ERBB4: variants seen among roughly 807,000 people sequenced by gnomAD.
ERBB4 encodes receptor tyrosine-protein kinase erbB-4.
In ERBB4, 42 loss-of-function variants were observed where a neutral mutation model predicts 158.0. The observed-to-expected ratio is 0.27, with a 90% CI of 0.21 to 0.34. The LOEUF is 0.34. Ranked by LOEUF, ERBB4 falls within the 10% of genes least tolerant of loss-of-function variation. ERBB4 has a pLI of 1.00. For missense variants in ERBB4, 1,333 were observed against 1,624.1 expected (o/e 0.82, Z 3.08); for synonymous variants, 583 against 558.7 (o/e 1.04, Z -0.61).
At chr2:211,645,850 A>G (rs1182794708) in intron 16 of ERBB4, among the ~76,000 whole-genome samples, 3 of 151,766 alleles carry the variant, frequency 2.0e-5, no homozygotes, top group African/African-American at 7.2e-5. Context: ...CAATTCACAT[A>G]TATGAATAAG....
intron 1 of ERBB4, among the ~76,000 whole-genome samples, chr2:212,180,151 T>TA (rs1459218413): frequency 6.6e-6 from 1 of 151,728 alleles, no homozygotes; most frequent in Non-Finnish European, 1.5e-5. Flanking sequence ...GGTACCAAAA[T>TA]GTAACATCTG....
intron 1 of ERBB4, among the ~76,000 whole-genome samples, chr2:212,175,961 GTTC>G (rs2081651118): frequency 6.6e-6 from 1 of 151,954 alleles, no homozygotes; most frequent in Admixed American, 6.6e-5. Flanking sequence ...CTCATCACCA[GTTC>G]TTATCATTTT....
chr2:212,322,516 T>C lies in ERBB4; in HGVS notation c.83-197613A>G, dbSNP rs1371361423. On this transcript the variant is annotated intron_variant, in intron 1 of 27. Transcript: ENST00000342788. ...ATCTAATCTTTATTTAAAAGATATT[T>C]GAATGCGTATACATTTTAGAACTCC... Among the ~76,000 whole-genome samples, 3 of 150,914 alleles carry C rather than the reference T, an allele frequency of 2.0e-5. No individual in the cohort carries two copies. The East Asian group carries it at 5.9e-4, about 29-fold the overall frequency.
At position 211,657,846 on chromosome 2, in the gene ERBB4, A is replaced by G. The variant is rs367577152; in HGVS notation, c.1872-18T>C. 13 of 1,612,158 alleles carry G rather than the reference A, an allele frequency of 8.1e-6. No individual in the cohort carries two copies. The highest frequency in any genetic ancestry group is 1.1e-5 in the Non-Finnish European group (13 of 1,178,360). On this transcript the variant is annotated intron_variant, in intron 15 of 27. Transcript: ENST00000342788. The stretch of plus-strand genomic sequence containing the variant: ...CGTTACACCTGCAGGCAATTACAGA[A>G]CAGAAAACATCATTCTCCATCCACA...
At chr2:212,048,415 G>A (rs189150839) in intron 2 of ERBB4, among the ~76,000 whole-genome samples, 1 of 152,148 alleles carries the variant, frequency 6.6e-6, no homozygotes, top group Non-Finnish European at 1.5e-5. Context: ...TTAGAGCAGG[G>A]TGCTGGTAGT....
chr2:211,924,067 G>A (rs953698580), intron 3 of ERBB4, among the ~76,000 whole-genome samples: 2 of 152,064 alleles, frequency 1.3e-5, no homozygotes, highest in Admixed American at 1.3e-4. Flanking sequence ...AGGAGAGGTT[G>A]TTTCAAGTTT....
intron 1 of ERBB4, among the ~76,000 whole-genome samples, chr2:212,455,750 T>A (rs945416077): frequency 1.7e-4 from 26 of 152,304 alleles, no homozygotes; most frequent in Non-Finnish European, 3.2e-4. Context: ...CTTTTTAAAA[T>A]CTTAGTTACA....
At chr2:212,366,468 A>C (rs2089894516) in intron 1 of ERBB4, among the ~76,000 whole-genome samples, 1 of 151,998 alleles carries the variant, frequency 6.6e-6, no homozygotes, top group Non-Finnish European at 1.5e-5. Flanking sequence ...GGATACAAAA[A>C]TTCCTTAAAG....
chr2:211,968,873 C>G (rs2081376607), intron 2 of ERBB4, among the ~76,000 whole-genome samples: 1 of 151,948 alleles, frequency 6.6e-6, no homozygotes, highest in Non-Finnish European at 1.5e-5. Flanking sequence ...TTCTCCTGCC[C>G]TTGCTCTCTT....
At position 211,823,920 on chromosome 2, in the gene ERBB4, A is replaced by G. The variant is rs187099925; in HGVS notation, c.422-35761T>C. Among the ~76,000 whole-genome samples, 5 of 152,206 alleles carry G rather than the reference A, an allele frequency of 3.3e-5. No homozygotes were observed. The East Asian group carries it at 9.7e-4, about 29-fold the overall frequency. On this transcript the variant is annotated intron_variant, in intron 3 of 27. Coordinates refer to ENST00000342788, the MANE Select transcript of ERBB4 (RefSeq NM_005235.3). The stretch of plus-strand genomic sequence containing the variant: ...AGTAGAAATGGGAGATATAATACAC[A>G]ATATGTAAAATTGTGTATGAAAGAA...
chr2:212,360,487 TG>T (rs1204335846), intron 1 of ERBB4, among the ~76,000 whole-genome samples: 2 of 151,696 alleles, frequency 1.3e-5, no homozygotes, highest in African/African-American at 4.8e-5. Flanking sequence ...CTTATGTAAC[TG>T]GAAGTAATTT....
intron 1 of ERBB4, among the ~76,000 whole-genome samples, chr2:212,310,648 T>C (rs1179012654): frequency 6.8e-6 from 1 of 146,238 alleles, no homozygotes; most frequent in African/African-American, 2.7e-5. Flanking sequence ...TGTGTGTATA[T>C]ATATATATTC....
At chr2:212,109,935 C>T (rs913255659) in intron 2 of ERBB4, among the ~76,000 whole-genome samples, 6 of 152,098 alleles carry the variant, frequency 3.9e-5, no homozygotes, top group African/African-American at 1.4e-4. Context: ...TTGTTATGAG[C>T]TCTGAAGTGA....
At chr2:212,391,817 T>C (rs1442083440) in intron 1 of ERBB4, among the ~76,000 whole-genome samples, 6 of 141,972 alleles carry the variant, frequency 4.2e-5, no homozygotes. Flanking sequence ...TGGGATTATA[T>C]ATAAAAGAAG....
intron 2 of ERBB4, among the ~76,000 whole-genome samples, chr2:211,961,007 T>C (rs1002862590): frequency 1.3e-5 from 2 of 152,102 alleles, no homozygotes; most frequent in Non-Finnish European, 2.9e-5. Flanking sequence ...ATAAGCTATA[T>C]AATAATGCTG....
chr2:211,727,450 C>A (rs908948877), intron 5 of ERBB4, among the ~76,000 whole-genome samples: 2 of 151,944 alleles, frequency 1.3e-5, no homozygotes, highest in African/African-American at 2.4e-5. Flanking sequence ...GTACTTAATA[C>A]ACAATATAAG....
chr2:211,395,069 T>A (rs930038046), intron 25 of ERBB4, among the ~76,000 whole-genome samples: 1 of 152,148 alleles, frequency 6.6e-6, no homozygotes, highest in Admixed American at 6.5e-5. Flanking sequence ...AGTTATTAAA[T>A]ATTGTAAAAT....
chr2:211,741,109 G>T (rs1405591512), intron 5 of ERBB4, among the ~76,000 whole-genome samples: 1 of 152,040 alleles, frequency 6.6e-6, no homozygotes, highest in Admixed American at 6.6e-5. Flanking sequence ...AAAATAGTAT[G>T]GCTGTCCTAT....
At chr2:211,410,665 A>G (rs910850801) in intron 25 of ERBB4, among the ~76,000 whole-genome samples, 2 of 152,160 alleles carry the variant, frequency 1.3e-5, no homozygotes, top group Admixed American at 1.3e-4. Context: ...TGGAGATACA[A>G]TTTGATAAAT....
Sources: gnomAD v4.1 joint callset for allele counts (sites outside exome capture counted in the v4.1 genomes callset) on GRCh38, gnomAD v4.1.1 for gene constraint, MANE v1.5 for transcripts, NCBI Gene and HGNC (gene_info 2026-07-23, HGNC 2026-07-21) for gene names.